Variants in ZNF365 observed in about 807,000 individuals in gnomAD.
The protein encoded by ZNF365 is protein ZNF365.
Under a neutral mutation model 35.0 loss-of-function variants are expected in ZNF365, and 22 were observed. The ratio of observed to expected loss-of-function variants is 0.63; its 90% CI spans 0.45 to 0.90. ZNF365 has a LOEUF of 0.90. Among genes scored for constraint, ZNF365 ranks in the 40% least tolerant of loss-of-function variants. ZNF365 has a pLI of 0.00. For synonymous variants in ZNF365, 188 were observed against 196.2 expected (o/e 0.96, Z 0.35); for missense variants, 448 against 500.3 (o/e 0.90, Z 1.00).
chr10:62,473,501 TC>T (rs1841078012), intron 4 of ZNF365, among the ~76,000 whole-genome samples: 1 of 152,166 alleles, frequency 6.6e-6, no homozygotes, highest in Non-Finnish European at 1.5e-5. Flanking sequence ...GGGCCAGACT[TC>T]CTGTGTTTGT....
intron 3 of ZNF365, among the ~76,000 whole-genome samples, chr10:62,395,713 T>G (rs912493771): frequency 1.3e-5 from 2 of 151,996 alleles, no homozygotes; most frequent in Non-Finnish European, 2.9e-5. Context: ...TCCAGGGTCA[T>G]GCTCAAAGGA....
chr10:62,419,971 C>T (rs1840140616), intron 3 of ZNF365, among the ~76,000 whole-genome samples: 1 of 151,818 alleles, frequency 6.6e-6, no homozygotes, highest in African/African-American at 2.4e-5. Context: ...AGATATATCA[C>T]AAAAAAATAT....
chr10:62,446,363 G>A (rs1402120194), intron 3 of ZNF365, among the ~76,000 whole-genome samples: 1 of 152,084 alleles, frequency 6.6e-6, no homozygotes, highest in African/African-American at 2.4e-5. Flanking sequence ...TTCAACTTCT[G>A]TATGCCCCAA....
intron 3 of ZNF365, among the ~76,000 whole-genome samples, chr10:62,410,713 T>G (rs1839973077): frequency 6.6e-6 from 1 of 152,168 alleles, no homozygotes. Context: ...TTTTTATGGC[T>G]GTATAGTATT....
intron 4 of ZNF365, among the ~76,000 whole-genome samples, chr10:62,463,653 A>C (rs1404728291): frequency 6.6e-6 from 1 of 152,256 alleles, no homozygotes; most frequent in Non-Finnish European, 1.5e-5. Context: ...AACTTTAAAG[A>C]TGGTAAATAA....
intron 3 of ZNF365, among the ~76,000 whole-genome samples, chr10:62,419,022 C>A (rs1840124707): frequency 1.1e-5 from 1 of 91,482 alleles, no homozygotes; most frequent in African/African-American, 3.2e-5. Context: ...TATAAATATA[C>A]CCTGGAAATT....
At chr10:62,429,217 G>C (rs1328452731) in intron 3 of ZNF365, among the ~76,000 whole-genome samples, 1 of 152,216 alleles carries the variant, frequency 6.6e-6, no homozygotes, top group East Asian at 1.9e-4. Context: ...TGCATCTTAT[G>C]CATGTCTAAT....
intron 3 of ZNF365, among the ~76,000 whole-genome samples, chr10:62,426,829 G>T (rs956703632): frequency 1.3e-5 from 2 of 152,108 alleles, no homozygotes; most frequent in Non-Finnish European, 2.9e-5. Context: ...CCAGATAGAA[G>T]TGTGGCTCTA....
At position 62,400,861 on chromosome 10, in the gene ZNF365, T is replaced by C. The variant is rs1310442430; in HGVS notation, c.*1072T>C. The C allele has an allele frequency of 1.0e-6, 1 of 985,546 alleles. No homozygotes were observed. The highest frequency in any genetic ancestry group is 1.2e-6 in the Non-Finnish European group (1 of 829,936). The allele number at this position is 985,546 out of a possible 1,614,324, so 61.1% of individuals were successfully genotyped here. A position where few individuals can be genotyped will look rare whatever the true frequency, so the allele number is the denominator to read the frequency against. ...ATCTTTCAACCAAGTATCTGGAGTGTTCACTCTATGTTGCATTCTAAAGTA... is the reference window on the plus strand; with the variant it reads ...ATCTTTCAACCAAGTATCTGGAGTGCTCACTCTATGTTGCATTCTAAAGTA... On this transcript the variant is annotated 3_prime_UTR_variant, in exon 5 of 5. Coordinates refer to ENST00000395254, the MANE Select transcript of ZNF365 (RefSeq NM_014951.3).
At position 62,401,993 on chromosome 10, in the gene ZNF365, CAT is replaced by C. The variant is rs1378737040; in HGVS notation, c.*2206_*2207del. On this transcript the variant is annotated 3_prime_UTR_variant, in exon 5 of 5. Transcript: ENST00000395254. ...TATGTATGTTGTGCCTCCTTAGAGA[CAT>C]AAATTTAGTGTCAAAACATGGGAGA... 1 of 985,440 alleles carries C rather than the reference CAT, an allele frequency of 1.0e-6. No homozygotes were observed. The highest frequency in any genetic ancestry group is 1.2e-6 in the Non-Finnish European group (1 of 829,920). 61.0% of individuals were successfully genotyped at this position (985,440 alleles called of 1,614,324 possible).
intron 3 of ZNF365, among the ~76,000 whole-genome samples, chr10:62,411,702 TG>T (rs1187368384): frequency 1.3e-5 from 2 of 152,014 alleles, no homozygotes; most frequent in Non-Finnish European, 2.9e-5. Flanking sequence ...AGTTTGAAGT[TG>T]GGTAGCATGG....
chr10:62,401,526 C>G lies in ZNF365; in HGVS notation c.*1737C>G. 1 of 985,460 alleles carries G rather than the reference C, an allele frequency of 1.0e-6. No homozygotes were observed. Among genetic ancestry groups the G allele is most frequent in the Non-Finnish European group, 1.2e-6 (1 of 829,904 alleles). 61.0% of individuals were successfully genotyped at this position (985,460 alleles called of 1,614,324 possible). ...ATTCATGTGATATATAAGCAGCTAT[C>G]AAGTGGGCAAAAACATTGCTGTGAA... On this transcript the variant is annotated 3_prime_UTR_variant, in exon 5 of 5. Transcript: ENST00000395254.
chr10:62,422,890 G>T (rs1249864100), intron 3 of ZNF365, among the ~76,000 whole-genome samples: 2 of 152,112 alleles, frequency 1.3e-5, no homozygotes, highest in Non-Finnish European at 2.9e-5. Context: ...ACCTGGCACA[G>T]ACTCCCTTGG....
At chr10:62,405,463 C>T (rs139581867), downstream of ZNF365, among the ~76,000 whole-genome samples, 572 of 152,302 alleles carry the variant, frequency 3.8e-3, 4 homozygotes, top group African/African-American at 0.013. Flanking sequence ...CCTTCTACAT[C>T]TCAGCCAATG....
chr10:62,420,691 G>T (rs769348213), intron 3 of ZNF365, among the ~76,000 whole-genome samples: 5 of 152,124 alleles, frequency 3.3e-5, no homozygotes, highest in Non-Finnish European at 5.9e-5. Flanking sequence ...ATAAAGGGAT[G>T]ACCTGCCTTG....
exon 5 of ZNF365, chr10:62,480,005 T>C (rs1319708538): frequency 6.5e-7 from 1 of 1,542,246 alleles, no homozygotes; most frequent in Non-Finnish European, 8.7e-7. Context: ...TAAGCATGTT[T>C]TACACTCCAG....
At chr10:62,408,993 G>A (rs961301360) in intron 3 of ZNF365, among the ~76,000 whole-genome samples, 9 of 151,996 alleles carry the variant, frequency 5.9e-5, no homozygotes, top group African/African-American at 1.7e-4. Flanking sequence ...TTGGCTGTTC[G>A]GAATTCAAAC....
intron 3 of ZNF365, among the ~76,000 whole-genome samples, chr10:62,433,606 G>T (rs140157545): frequency 3.3e-5 from 5 of 152,110 alleles, no homozygotes; most frequent in Admixed American, 6.6e-5. Context: ...ACTTGATGAC[G>T]ATCCAGATTT....
At chr10:62,477,505 G>T (rs967241601) in intron 4 of ZNF365, among the ~76,000 whole-genome samples, 1 of 152,088 alleles carries the variant, frequency 6.6e-6, no homozygotes, top group Non-Finnish European at 1.5e-5. Flanking sequence ...CTTCTTTATA[G>T]GTCCAGGCAC....
Sources: gnomAD v4.1 joint callset for allele counts (sites outside exome capture counted in the v4.1 genomes callset) on GRCh38, gnomAD v4.1.1 for gene constraint, MANE v1.5 for transcripts, NCBI Gene and HGNC (gene_info 2026-07-23, HGNC 2026-07-21) for gene names.